The following NCOA5 variants were observed in gnomAD, a reference collection of about 807,000 sequenced individuals.
The protein encoded by NCOA5 is NCoA-5.
NCOA5 carries 12 observed loss-of-function variants against 59.0 expected under a neutral mutation model. The observed-to-expected ratio is 0.20, with a 90% CI of 0.13 to 0.33. NCOA5 has a LOEUF of 0.33. NCOA5 is among the 10% of genes least tolerant of loss of function. NCOA5 has a pLI of 1.00. For synonymous variants in NCOA5, 270 were observed against 275.5 expected, an observed-to-expected ratio of 0.98 and a Z score of 0.20; for missense variants, 655 against 766.6, an observed-to-expected ratio of 0.85 and a Z score of 1.72.
At chr20:46,080,402 G>T (rs2084979567) in intron 1 of NCOA5, among the ~76,000 whole-genome samples, 1 of 152,126 alleles carries the variant, frequency 6.6e-6, no homozygotes, top group African/African-American at 2.4e-5. Context: ...AAATAAAAGT[G>T]CTTTCTGCTG....
At chr20:46,077,029 C>T (rs2145543920) in intron 2 of NCOA5, among the ~76,000 whole-genome samples, 1 of 152,342 alleles carries the variant, frequency 6.6e-6, no homozygotes, top group South Asian at 2.1e-4. Flanking sequence ...GATTCTCCCG[C>T]TTCAATGCCT....
At position 46,078,853 on chromosome 20, in the gene NCOA5, G is replaced by A. The variant is rs1026319680; in HGVS notation, c.38+534C>T. Among the ~76,000 whole-genome samples, 6 of 152,134 alleles carry A rather than the reference G, an allele frequency of 3.9e-5. 1 individual carries two copies. In the South Asian group the frequency reaches 8.3e-4, roughly 21 times the overall value. On this transcript the variant is annotated intron_variant, in intron 2 of 7. Coordinates refer to ENST00000290231, the MANE Select transcript of NCOA5 (RefSeq NM_020967.3). Reference sequence around the variant, plus strand: ...AAAGCTAAGAAAAAGGGAGACCTTCGAGAGCTGGAGTGTTTTGCCCTTTTT... The same window carrying A: ...AAAGCTAAGAAAAAGGGAGACCTTCAAGAGCTGGAGTGTTTTGCCCTTTTT...
intron 2 of NCOA5, among the ~76,000 whole-genome samples, chr20:46,071,017 T>A (rs927254849): frequency 1.3e-5 from 2 of 152,080 alleles, no homozygotes; most frequent in Non-Finnish European, 2.9e-5. Context: ...AAAATTACTA[T>A]AAGATACATA....
Position 46,079,439 on chromosome 20 carries a change from C to G in NCOA5, c.-15G>C. On this transcript the variant is annotated 5_prime_UTR_variant, in exon 2 of 8. Coordinates refer to ENST00000290231, the MANE Select transcript of NCOA5 (RefSeq NM_020967.3). ...GCCGTATTCATATTTCTTCTTTCCG[C>G]TGCCTTATTAATATCTGAAAAGAAT... The G allele has an allele frequency of 6.2e-7, 1 of 1,613,722 alleles. No individual in the cohort carries two copies. Among genetic ancestry groups the G allele is most frequent in the East Asian group, 2.2e-5 (1 of 44,870 alleles).
Position 46,062,211 on chromosome 20 carries a change from A to C in NCOA5, c.*89T>G, listed in dbSNP as rs6032643. On this transcript the variant is annotated 3_prime_UTR_variant, in exon 8 of 8. Transcript: ENST00000290231. ...ACTCGATGCCGGCCTGGGAGCGCAG[A>C]GAACATCCTCCAAACAGCTCTATTT... 178 of 1,012,984 alleles carry C rather than the reference A, an allele frequency of 1.8e-4. No homozygotes were observed. The African/African-American group carries it at 2.5e-3, about 14-fold the overall frequency. 62.7% of individuals were successfully genotyped at this position (1,012,984 alleles called of 1,614,324 possible). A position where few individuals can be genotyped will look rare whatever the true frequency, so the allele number is the denominator to read the frequency against.
intron 1 of NCOA5, among the ~76,000 whole-genome samples, chr20:46,085,173 C>T (rs141652614): frequency 3.3e-5 from 5 of 151,874 alleles, no homozygotes; most frequent in South Asian, 2.1e-4. Flanking sequence ...TGGGACAAGA[C>T]GCATGCACCA....
rs371347937 is a variant in NCOA5 at position 46,070,498 on chromosome 20, C to T, written c.77G>A (p.Arg26His). 204 of 1,613,942 alleles carry T rather than the reference C, an allele frequency of 1.3e-4. No individual in the cohort carries two copies. Among genetic ancestry groups the T allele is most frequent in the Middle Eastern group, 1.6e-4 (1 of 6,084 alleles). Residue 26 changes from arginine to histidine, a missense_variant, in exon 3 of 8, where the codon CGT (arginine) becomes CAT (histidine). By Grantham distance (29) the Arg-to-His change is conservative. Transcript: ENST00000290231. ...YGFGDSRDSRRDRSPIRGSPR... is the reference protein window; with the variant it reads ...YGFGDSRDSRHDRSPIRGSPR... ...ACTTCCTCGAATTGGGGATCGATCA[C>T]GCCTTGAATCTCGACTGTCTCCAAA...
chr20:46,087,329 C>T lies in NCOA5; in HGVS notation c.-30+2488G>A, dbSNP rs545996144. ...AAAGCACAACTAAATTTTATTAATC[C>T]TCACAGTAGTAAAACATTACACAAA... On this transcript the variant is annotated intron_variant, in intron 1 of 7. Coordinates refer to ENST00000290231, the MANE Select transcript of NCOA5 (RefSeq NM_020967.3). Among the ~76,000 whole-genome samples, 6 of 152,280 alleles carry T rather than the reference C, an allele frequency of 3.9e-5. No individual in the cohort carries two copies. The South Asian group carries it at 1.2e-3, about 32-fold the overall frequency.
chr20:46,070,637 C>T (rs1185653830), intron 2 of NCOA5, 101 bp from the exon 3 acceptor site: 2 of 1,132,514 alleles, frequency 1.8e-6, no homozygotes, highest in African/African-American at 1.6e-5. Flanking sequence ...GCATTCTTCT[C>T]TAAAACAGGG....
chr20:46,085,183 A>G (rs1431133829), intron 1 of NCOA5, among the ~76,000 whole-genome samples: 1 of 147,852 alleles, frequency 6.8e-6, no homozygotes, highest in Non-Finnish European at 1.5e-5. Context: ...CGCATGCACC[A>G]CCACACGCAG....
At chr20:46,072,066 T>C (rs749130407) in intron 2 of NCOA5, among the ~76,000 whole-genome samples, 17 of 152,198 alleles carry the variant, frequency 1.1e-4, no homozygotes, top group Admixed American at 2.0e-4. Flanking sequence ...GGATGTCATC[T>C]TTCCCTTAAA....
At chr20:46,071,154 A>G (rs922442468) in intron 2 of NCOA5, among the ~76,000 whole-genome samples, 3 of 147,056 alleles carry the variant, frequency 2.0e-5, no homozygotes, top group Non-Finnish European at 3.0e-5. Flanking sequence ...AAAAAAAAAA[A>G]AGAGAACAAA....
rs140062939 is a variant in NCOA5, at chr20:46,067,242, C to T, written c.503-61G>A. ...CTGGACCCTCATTTTAAATCCTGAGCTACTTGTAGGCAAAGGTCATAATAC... is the reference window on the plus strand; with the variant it reads ...CTGGACCCTCATTTTAAATCCTGAGTTACTTGTAGGCAAAGGTCATAATAC... On this transcript the variant is annotated intron_variant, in intron 4 of 7. Transcript: ENST00000290231. The T allele has an allele frequency of 7.7e-4, 1,204 of 1,568,798 alleles. 2 individuals are homozygous for T. Among genetic ancestry groups the T allele is most frequent in the Non-Finnish European group, 8.8e-4 (1,023 of 1,158,986 alleles).
intron 2 of NCOA5, among the ~76,000 whole-genome samples, 159 bp downstream of exon 2, chr20:46,079,228 A>G (rs535883497): frequency 3.3e-5 from 5 of 152,232 alleles, no homozygotes; most frequent in Admixed American, 3.3e-4. Flanking sequence ...GTATGTTTAA[A>G]AAAAGCAGCA....
At chr20:46,084,105 G>C (rs1260616311) in intron 1 of NCOA5, among the ~76,000 whole-genome samples, 1 of 152,166 alleles carries the variant, frequency 6.6e-6, no homozygotes, top group Non-Finnish European at 1.5e-5. Flanking sequence ...TTTTGTTCCT[G>C]AGCCTGTGTA....
chr20:46,081,563 T>C lies in NCOA5; in HGVS notation c.-29-2110A>G, dbSNP rs748031306. On this transcript the variant is annotated intron_variant, in intron 1 of 7. Coordinates refer to ENST00000290231, the MANE Select transcript of NCOA5 (RefSeq NM_020967.3). Reference sequence around the variant, plus strand: ...ACCATTTTGATTGTAATTTGCCTCGTAGTATCTATTTTCATTGGGTAGTCC... The same window carrying C: ...ACCATTTTGATTGTAATTTGCCTCGCAGTATCTATTTTCATTGGGTAGTCC... 5.3e-5 allele frequency among the ~76,000 whole-genome samples: 8 copies of C among 152,294 alleles called. No homozygotes were observed. The South Asian group carries it at 6.2e-4, about 12-fold the overall frequency.
rs1219625550 is a variant in NCOA5, at chr20:46,071,982, C to T, written c.39-1446G>A. Among the ~76,000 whole-genome samples the T allele has an allele frequency of 3.9e-5, 6 of 152,206 alleles. No individual in the cohort carries two copies. In the East Asian group the frequency reaches 9.6e-4, roughly 24 times the overall value. ...TGAACTCTTGATCTTCCCCAACAAC[C>T]ATGCTCCTCCTCCAGTCCTTCCCAT... On this transcript the variant is annotated intron_variant, in intron 2 of 7. Transcript: ENST00000290231.
intron 4 of NCOA5, among the ~76,000 whole-genome samples, chr20:46,068,179 C>T (rs781607030): frequency 2.0e-5 from 3 of 152,118 alleles, no homozygotes; most frequent in Non-Finnish European, 2.9e-5. Flanking sequence ...AGTGATCTGC[C>T]GGCCTTGGCC....
At position 46,062,101 on chromosome 20, in the gene NCOA5, C is replaced by T; in HGVS notation, c.*199G>A. 2 of 483,834 alleles carry T rather than the reference C, an allele frequency of 4.1e-6. No individual in the cohort carries two copies. The highest frequency in any genetic ancestry group is 7.2e-6 in the Non-Finnish European group (2 of 276,114). 30.0% of individuals were successfully genotyped at this position (483,834 alleles called of 1,614,324 possible). A position where few individuals can be genotyped will look rare whatever the true frequency, so the allele number is the denominator to read the frequency against. On this transcript the variant is annotated 3_prime_UTR_variant, in exon 8 of 8. Transcript: ENST00000290231. ...ACAAAACAAAAAACAAAAAAAGATA[C>T]AGCCCCAAATGCAGTATAAACTTTG... is the stretch of plus-strand genomic sequence containing the variant.
Sources: allele counts gnomAD v4.1 joint callset (sites outside exome capture counted in the v4.1 genomes callset), GRCh38; gene constraint gnomAD v4.1.1; transcripts MANE v1.5; gene names NCBI Gene and HGNC (gene_info 2026-07-23, HGNC 2026-07-21).